PHF24: variants seen among roughly 807,000 people sequenced by gnomAD.
PHF24 encodes Galpha inhibitory interacting protein.
Under a neutral mutation model 42.6 loss-of-function variants are expected in PHF24, and 25 were observed. That is an observed-to-expected ratio of 0.59 (90% CI 0.43 to 0.82). The LOEUF is 0.82. Ranked by LOEUF, PHF24 falls within the 40% of genes least tolerant of loss-of-function variation. The pLI is 0.00. For missense variants in PHF24, 470 were observed against 538.1 expected (o/e 0.87, Z 1.25); for synonymous variants, 185 against 204.8 (o/e 0.90, Z 0.83).
chr9:34,673,409 C>T, the PHF24 span, among the ~76,000 whole-genome samples: 1 of 151,968 alleles, frequency 6.6e-6, no homozygotes, highest in Non-Finnish European at 1.5e-5. Context: ...AACATTTCAA[C>T]CCCTGGATCC....
the PHF24 span, among the ~76,000 whole-genome samples, chr9:34,836,255 A>G: frequency 6.6e-6 from 1 of 152,202 alleles, no homozygotes; most frequent in Non-Finnish European, 1.5e-5. Flanking sequence ...CTTGTTGGAC[A>G]AGGCCTCAGA....
chr9:34,715,871 G>A, the PHF24 span, among the ~76,000 whole-genome samples: 1 of 152,216 alleles, frequency 6.6e-6, no homozygotes, highest in African/African-American at 2.4e-5. Flanking sequence ...CCCCTAATTG[G>A]AAAGGGCCAC....
the PHF24 span, chr9:34,922,604 A>G: frequency 1.0e-6 from 1 of 959,836 alleles, no homozygotes; most frequent in African/African-American, 1.6e-5. Flanking sequence ...AGCACTGGGG[A>G]TCAAGAACTT....
chr9:34,795,817 C>A, the PHF24 span, among the ~76,000 whole-genome samples: 1 of 151,936 alleles, frequency 6.6e-6, no homozygotes, highest in Non-Finnish European at 1.5e-5. Flanking sequence ...GGCAACAAGA[C>A]AAAATCCCAT....
At chr9:34,751,420 T>A in the PHF24 span, among the ~76,000 whole-genome samples, 1 of 152,010 alleles carries the variant, frequency 6.6e-6, no homozygotes, top group African/African-American at 2.4e-5. Flanking sequence ...TCAGACAAAA[T>A]AGATTTGAAG....
chr9:34,863,524 G>A, the PHF24 span, among the ~76,000 whole-genome samples: 1 of 151,976 alleles, frequency 6.6e-6, no homozygotes, highest in Admixed American at 6.6e-5. Flanking sequence ...GATTCTTCTG[G>A]GTCTTATTCA....
the PHF24 span, among the ~76,000 whole-genome samples, chr9:34,766,985 G>T: frequency 6.6e-6 from 1 of 152,210 alleles, no homozygotes; most frequent in Non-Finnish European, 1.5e-5. Flanking sequence ...CTGTTTGCCT[G>T]TGTATCAGCA....
the PHF24 span, among the ~76,000 whole-genome samples, chr9:34,700,112 T>A: frequency 6.6e-6 from 1 of 152,056 alleles, no homozygotes; most frequent in Non-Finnish European, 1.5e-5. Context: ...ATCTGAGGAA[T>A]AGCAAGGAGG....
chr9:34,837,839 T>C, the PHF24 span: 7 of 641,458 alleles, frequency 1.1e-5, no homozygotes, highest in East Asian at 2.1e-4. Context: ...TTTCTTTGCC[T>C]ATTCCACCTT....
At chr9:34,771,063 A>C in the PHF24 span, among the ~76,000 whole-genome samples, 1 of 152,198 alleles carries the variant, frequency 6.6e-6, no homozygotes, top group African/African-American at 2.4e-5. Flanking sequence ...CAGTGAGCCG[A>C]GATTGAGCCA....
chr9:34,760,891 C>T, the PHF24 span, among the ~76,000 whole-genome samples: 1 of 151,974 alleles, frequency 6.6e-6, no homozygotes, highest in Non-Finnish European at 1.5e-5. Context: ...ACACGGGAGG[C>T]TGAGGTGGGA....
chr9:34,830,367 G>A, the PHF24 span, among the ~76,000 whole-genome samples: 1 of 152,214 alleles, frequency 6.6e-6, no homozygotes, highest in East Asian at 1.9e-4. Flanking sequence ...CCAGAGGGAA[G>A]GGGGTGACCC....
At chr9:34,665,908 G>A in the PHF24 span, 2 of 574,190 alleles carry the variant, frequency 3.5e-6, no homozygotes, top group East Asian at 2.9e-5. Context: ...GGGCCAGGGC[G>A]AGAGGTTTGG....
At chr9:34,680,460 G>A in the PHF24 span, among the ~76,000 whole-genome samples, 2 of 151,866 alleles carry the variant, frequency 1.3e-5, no homozygotes, top group South Asian at 2.1e-4. Context: ...AGGCCGAGGC[G>A]GGTGGATCAC....
chr9:34,875,671 C>A, the PHF24 span, among the ~76,000 whole-genome samples: 3 of 151,956 alleles, frequency 2.0e-5, no homozygotes, highest in South Asian at 2.1e-4. Context: ...AGCACTGGAG[C>A]CTTGACAATT....
chr9:34,716,507 T>G, the PHF24 span, among the ~76,000 whole-genome samples: 16 of 152,192 alleles, frequency 1.1e-4, no homozygotes, highest in Admixed American at 1.0e-3. Flanking sequence ...GAGATAAATT[T>G]TGTGTTGGAG....
chr9:34,761,446 A>G, the PHF24 span, among the ~76,000 whole-genome samples: 1 of 152,220 alleles, frequency 6.6e-6, no homozygotes, highest in East Asian at 1.9e-4. Flanking sequence ...CATTAAAGAA[A>G]GAGAGCAGAT....
chr9:34,739,829 C>T, the PHF24 span, among the ~76,000 whole-genome samples: 1 of 152,142 alleles, frequency 6.6e-6, no homozygotes, highest in Non-Finnish European at 1.5e-5. Context: ...TTATCTGGCC[C>T]CACCCACATC....
At chr9:34,683,213 A>C in the PHF24 span, among the ~76,000 whole-genome samples, 1 of 152,120 alleles carries the variant, frequency 6.6e-6, no homozygotes, top group African/African-American at 2.4e-5. Flanking sequence ...GGCATGCGCC[A>C]CCATACCTGG....
Sources: allele counts gnomAD v4.1 joint callset (sites outside exome capture counted in the v4.1 genomes callset), GRCh38; gene constraint gnomAD v4.1.1; transcripts MANE v1.5; gene names NCBI Gene and HGNC (gene_info 2026-07-23, HGNC 2026-07-21).